Variants in SPANXN2 observed in about 807,000 individuals in gnomAD.
SPANXN2 encodes the protein SPANX family member N2.
In SPANXN2, 1 loss-of-function variant was observed where a neutral mutation model predicts 2.0. The ratio of observed to expected loss-of-function variants is 0.50; its 90% confidence interval spans 0.18 to 2.36. SPANXN2 has a LOEUF of 2.36. SPANXN2 is among the 30% of genes most tolerant of loss of function. SPANXN2 has a pLI of 0.26. For missense variants in SPANXN2, 88 were observed against 116.7 expected, an observed-to-expected ratio of 0.75 and a Z score of 1.13; for synonymous variants, 43 against 49.8, an observed-to-expected ratio of 0.86 and a Z score of 0.58.
At chrX:143,717,589 C>T (rs1202175094) in intron 1 of SPANXN2, among the ~76,000 whole-genome samples, 2 of 112,159 alleles carry the variant, frequency 1.8e-5, no homozygotes, top group African/African-American at 6.5e-5. Context: ...AGTGTCTTGC[C>T]CAAGTTTAAA....
intron 1 of SPANXN2, among the ~76,000 whole-genome samples, chrX:143,715,135 C>A (rs1932236506): frequency 9.0e-6 from 1 of 111,523 alleles, no homozygotes; most frequent in South Asian, 3.8e-4. Flanking sequence ...GAGTCCACCG[C>A]CCCTACTGCC....
At chrX:143,715,816 G>C (rs1448099240) in intron 1 of SPANXN2, among the ~76,000 whole-genome samples, 1 of 110,719 alleles carries the variant, frequency 9.0e-6, no homozygotes, top group Non-Finnish European at 1.9e-5. Flanking sequence ...ACCAGGCCGT[G>C]GTACCAATCC....
intron 1 of SPANXN2, among the ~76,000 whole-genome samples, chrX:143,713,892 ACTCTCTCTCTCTCT>A (rs58045166): frequency 9.7e-4 from 85 of 87,883 alleles, no homozygotes; most frequent in South Asian, 2.6e-3. Context: ...TTCATGCCTC[ACTCTCTCTCTCTCT>A]CTCTCTCTCT....
intron 1 of SPANXN2, among the ~76,000 whole-genome samples, chrX:143,717,912 T>C (rs185453042): frequency 3.2e-3 from 359 of 111,614 alleles, no homozygotes; most frequent in African/African-American, 0.01. Context: ...AAGCTTTTCC[T>C]ACCACCACCA....
chrX:143,713,902 TCTC>T (rs1932211035), intron 1 of SPANXN2, among the ~76,000 whole-genome samples: 2 of 49,362 alleles, frequency 4.1e-5, no homozygotes, highest in African/African-American at 1.2e-4. Context: ...ACTCTCTCTC[TCTC>T]TCTCTCTCTC....
chrX:143,720,245 G>T (rs782112996), intron 1 of SPANXN2, among the ~76,000 whole-genome samples: 30 of 110,813 alleles, frequency 2.7e-4, no homozygotes, highest in African/African-American at 9.9e-4. Context: ...CCTAATCGTC[G>T]TAACACAAGG....
intron 1 of SPANXN2, among the ~76,000 whole-genome samples, chrX:143,713,219 T>C (rs144910217): frequency 8.9e-6 from 1 of 111,860 alleles, no homozygotes; most frequent in African/African-American, 3.2e-5. Context: ...CAGCACAAAC[T>C]AGACCAGGGC....
chrX:143,718,252 A>C (rs1479442588), intron 1 of SPANXN2, among the ~76,000 whole-genome samples: 1 of 111,678 alleles, frequency 9.0e-6, no homozygotes, highest in Non-Finnish European at 1.9e-5. Flanking sequence ...TGCTCCATTT[A>C]TCCTCCAGAA....
At chrX:143,718,964 C>T (rs781840757) in intron 1 of SPANXN2, among the ~76,000 whole-genome samples, 1 of 111,926 alleles carries the variant, frequency 8.9e-6, no homozygotes, top group South Asian at 3.7e-4. Context: ...TTCCTTCCAA[C>T]TGTTAAATTT....
At chrX:143,714,814 C>A (rs1423689776) in intron 1 of SPANXN2, among the ~76,000 whole-genome samples, 4 of 111,762 alleles carry the variant, frequency 3.6e-5, no homozygotes, top group Non-Finnish European at 7.5e-5. Context: ...CCTTCAAGAT[C>A]TATAAGATTA....
intron 1 of SPANXN2, among the ~76,000 whole-genome samples, chrX:143,716,825 C>T (rs1932275911): frequency 8.9e-6 from 1 of 111,845 alleles, no homozygotes; most frequent in Non-Finnish European, 1.9e-5. Flanking sequence ...CCCTTCTATC[C>T]CTCCCACCAT....
At chrX:143,719,710 G>T (rs782194738) in intron 1 of SPANXN2, among the ~76,000 whole-genome samples, 1 of 110,791 alleles carries the variant, frequency 9.0e-6, no homozygotes, top group Non-Finnish European at 1.9e-5. Context: ...GACCATCCAG[G>T]TTCCTTTAGT....
At chrX:143,720,245 G>A (rs782112996) in intron 1 of SPANXN2, among the ~76,000 whole-genome samples, 41 of 110,871 alleles carry the variant, frequency 3.7e-4, no homozygotes, top group Non-Finnish European at 2.1e-4. Context: ...CCTAATCGTC[G>A]TAACACAAGG....
At chrX:143,719,697 G>C (rs851099) in intron 1 of SPANXN2, among the ~76,000 whole-genome samples, 52,387 of 109,712 alleles carry the variant, frequency 0.48, 9,851 homozygotes, top group East Asian at 0.84. Context: ...TGCCTAACAA[G>C]CAGACCATCC....
At chrX:143,720,539 C>T (rs782691890) in intron 1 of SPANXN2, 52 bp downstream of exon 1, 1 of 1,169,429 alleles carries the variant, frequency 8.6e-7, no homozygotes, top group South Asian at 1.8e-5. Flanking sequence ...CGTCCCTTCT[C>T]TGTGTGTCTT....
rs185199115 is a variant in SPANXN2, at chrX:143,719,358, G to A, written c.78+1233C>T. On this transcript the variant is annotated intron_variant, in intron 1 of 1. Transcript: ENST00000598475. The stretch of plus-strand genomic sequence containing the variant: ...TGTATCCTTCTGCGCTGTCAGGACC[G>A]CAATGGCTATTAGTTACAAAAACCC... Among the ~76,000 whole-genome samples the A allele has an allele frequency of 1.8e-3, 204 of 111,565 alleles. 2 individuals are homozygous for A. Among genetic ancestry groups the A allele is most frequent in the African/African-American group, 6.3e-3 (194 of 30,682 alleles).
intron 1 of SPANXN2, among the ~76,000 whole-genome samples, chrX:143,717,263 C>G (rs1329308757): frequency 1.6e-4 from 18 of 112,015 alleles, no homozygotes; most frequent in Admixed American, 3.8e-4. Flanking sequence ...ATGCCTTCAT[C>G]TGGCAGGAAC....
At chrX:143,714,422 G>T (rs1204993376) in intron 1 of SPANXN2, among the ~76,000 whole-genome samples, 1 of 111,104 alleles carries the variant, frequency 9.0e-6, no homozygotes, top group African/African-American at 3.3e-5. Context: ...CACCCTGGAG[G>T]ACAGGGAACA....
chrX:143,715,521 C>T (rs1281170215), intron 1 of SPANXN2, among the ~76,000 whole-genome samples: 10 of 109,481 alleles, frequency 9.1e-5, no homozygotes, highest in Admixed American at 2.0e-4. Context: ...CCTCATTATC[C>T]ACCCTGTTAC....
Sources: gnomAD v4.1 joint callset for allele counts (sites outside exome capture counted in the v4.1 genomes callset) on GRCh38, gnomAD v4.1.1 for gene constraint, MANE v1.5 for transcripts, NCBI Gene and HGNC (gene_info 2026-07-23, HGNC 2026-07-21) for gene names.